PIK3C2G: variants seen among roughly 807,000 people sequenced by gnomAD.
The protein encoded by PIK3C2G is phosphatidylinositol-4-phosphate 3-kinase catalytic subunit type 2 gamma.
A neutral mutation model predicts 181.1 loss-of-function variants in PIK3C2G; 168 were observed. The ratio of observed to expected loss-of-function variants is 0.93; its 90% CI spans 0.82 to 1.05. The LOEUF (loss-of-function observed/expected upper bound fraction) is 1.05. PIK3C2G is among the 50% of genes least tolerant of loss of function. PIK3C2G has a pLI of 0.00. For synonymous variants in PIK3C2G, 573 were observed against 592.2 expected (o/e 0.97, Z 0.47); for missense variants, 1,869 against 1,732.8 (o/e 1.08, Z -1.40).
intron 13 of PIK3C2G, among the ~76,000 whole-genome samples, chr12:18,374,696 T>C (rs1942314067): frequency 6.6e-6 from 1 of 152,176 alleles, no homozygotes. Context: ...AAATCTCATA[T>C]TGAATTATGG....
At chr12:18,272,289 AT>A (rs1390700779) in intron 1 of PIK3C2G, among the ~76,000 whole-genome samples, 2 of 151,994 alleles carry the variant, frequency 1.3e-5, no homozygotes, top group Non-Finnish European at 2.9e-5. Flanking sequence ...TGTCCTCCAT[AT>A]TTCCTGGGCC....
chr12:18,277,761 C>T (rs1052484334), intron 1 of PIK3C2G, among the ~76,000 whole-genome samples: 2 of 152,012 alleles, frequency 1.3e-5, no homozygotes, highest in African/African-American at 4.8e-5. Flanking sequence ...GATATTTACA[C>T]CTTTATAGAT....
At chr12:18,258,762 G>A (rs1158398880), upstream of PIK3C2G, among the ~76,000 whole-genome samples, 1 of 151,870 alleles carries the variant, frequency 6.6e-6, no homozygotes, top group African/African-American at 2.4e-5. Context: ...AGTACAAAAT[G>A]TTGAGGCTCA....
chr12:18,269,767 T>G (rs903834221), intron 1 of PIK3C2G, among the ~76,000 whole-genome samples: 1 of 152,186 alleles, frequency 6.6e-6, no homozygotes, highest in African/African-American at 2.4e-5. Flanking sequence ...ATTTTATTAT[T>G]ATCAGTTAAA....
At chr12:18,266,579 T>A (rs996356725) in intron 1 of PIK3C2G, among the ~76,000 whole-genome samples, 1 of 152,190 alleles carries the variant, frequency 6.6e-6, no homozygotes, top group African/African-American at 2.4e-5. Context: ...TGTGGCCGGA[T>A]GCATGTTACT....
intron 5 of PIK3C2G, among the ~76,000 whole-genome samples, chr12:18,310,219 A>T (rs773204560): frequency 3.9e-5 from 6 of 151,912 alleles, no homozygotes; most frequent in Non-Finnish European, 8.8e-5. Flanking sequence ...AAGAAAGTAC[A>T]ATAGGCAATT....
At chr12:18,299,029 T>C (rs1476391430) in intron 5 of PIK3C2G, among the ~76,000 whole-genome samples, 1 of 151,990 alleles carries the variant, frequency 6.6e-6, no homozygotes, top group East Asian at 1.9e-4. Context: ...ATTCACTATT[T>C]GGGCTCTTTT....
chr12:18,443,563 A>C (rs2135841889), intron 18 of PIK3C2G, among the ~76,000 whole-genome samples: 1 of 152,270 alleles, frequency 6.6e-6, no homozygotes, highest in Middle Eastern at 3.4e-3. Context: ...TTATTTCTGT[A>C]ATCACCGAAA....
intron 24 of PIK3C2G, among the ~76,000 whole-genome samples, chr12:18,520,693 C>T (rs1247127174): frequency 6.6e-6 from 1 of 152,024 alleles, no homozygotes; most frequent in Non-Finnish European, 1.5e-5. Flanking sequence ...TTGCTATTAC[C>T]CCCCTTCTGA....
At chr12:18,398,031 A>G (rs1325083246) in intron 15 of PIK3C2G, among the ~76,000 whole-genome samples, 1 of 152,178 alleles carries the variant, frequency 6.6e-6, no homozygotes, top group Non-Finnish European at 1.5e-5. Flanking sequence ...ATAAAAACAT[A>G]TTTACTCTAT....
In PIK3C2G at chr12:18,286,936, A is replaced by G. The variant is rs950060238; in HGVS notation, c.761+7A>G. On this transcript the variant is annotated splice_region_variant and intron_variant, in intron 3 of 32. Coordinates refer to ENST00000538779, the MANE Select transcript of PIK3C2G (RefSeq NM_001288772.2). ...TTTGCAACAAAGTAAAAAAGTGAGT[A>G]CTGGTATTTCATTAAACTTTGAAAT... is the stretch of plus-strand genomic sequence containing the variant. 4.0e-6 allele frequency: 6 copies of G among 1,485,398 alleles called. No homozygotes were observed. The highest frequency in any genetic ancestry group is 5.5e-6 in the Non-Finnish European group (6 of 1,096,354). 92.0% of individuals were successfully genotyped at this position (1,485,398 alleles called of 1,614,324 possible).
chr12:18,659,647 G>A, the PIK3C2G span, among the ~76,000 whole-genome samples: 1 of 147,028 alleles, frequency 6.8e-6, no homozygotes, highest in African/African-American at 2.5e-5. Context: ...CCTTTACTAT[G>A]GAATAGTTCT....
chr12:18,679,853 G>A, the PIK3C2G span, among the ~76,000 whole-genome samples: 1 of 151,896 alleles, frequency 6.6e-6, no homozygotes, highest in African/African-American at 2.4e-5. Context: ...CAGCTCCCAG[G>A]TGTGCTGAGC....
chr12:18,700,512 CAA>C, the PIK3C2G span, among the ~76,000 whole-genome samples: 408 of 67,838 alleles, frequency 6.0e-3, no homozygotes, highest in African/African-American at 0.022. Flanking sequence ...AGCCAACGTA[CAA>C]AAAAAAAAAA....
intron 18 of PIK3C2G, among the ~76,000 whole-genome samples, chr12:18,441,025 T>C (rs1207894156): frequency 6.6e-6 from 1 of 152,078 alleles, no homozygotes; most frequent in Admixed American, 6.6e-5. Flanking sequence ...AACGCCAACA[T>C]TTTAAAAATC....
intron 24 of PIK3C2G, among the ~76,000 whole-genome samples, chr12:18,517,363 A>ATGG (rs1942619692): frequency 1.3e-5 from 2 of 152,178 alleles, no homozygotes; most frequent in African/African-American, 4.8e-5. Flanking sequence ...TCTATCCATG[A>ATGG]GGATGGGATG....
At chr12:18,648,454 A>G (rs1950270674), downstream of PIK3C2G, 1 of 193,464 alleles carries the variant, frequency 5.2e-6, no homozygotes, top group Non-Finnish European at 1.1e-5. Flanking sequence ...TAAAACTTAA[A>G]TTATATATAC....
rs536279562 is a variant in PIK3C2G at position 18,444,640 on chromosome 12, T to C, written c.2504+20601T>C. 1.4e-4 allele frequency among the ~76,000 whole-genome samples: 21 copies of C among 152,244 alleles called. No homozygotes were observed. In the South Asian group the frequency reaches 3.7e-3, roughly 27 times the overall value. ...TGTTGCTGCTGATGATGATGACAAA[T>C]AACAACAATATCAACAATGACTATT... On this transcript the variant is annotated intron_variant, in intron 18 of 32. Transcript: ENST00000538779.
chr12:18,638,320 T>G (rs531914452), intron 31 of PIK3C2G, among the ~76,000 whole-genome samples: 1 of 152,292 alleles, frequency 6.6e-6, no homozygotes, highest in Non-Finnish European at 1.5e-5. Flanking sequence ...TCTCAGAGGT[T>G]GGAGGTGAAG....
Sources: allele counts gnomAD v4.1 joint callset (sites outside exome capture counted in the v4.1 genomes callset), GRCh38; gene constraint gnomAD v4.1.1; transcripts MANE v1.5; gene names NCBI Gene and HGNC (gene_info 2026-07-23, HGNC 2026-07-21).